Variants in ZNF804A observed in about 807,000 individuals in gnomAD.
The protein encoded by ZNF804A is zinc finger protein 804A.
In ZNF804A, 2 loss-of-function variants were observed where a neutral mutation model predicts 16.5. That is an observed-to-expected ratio of 0.12 (90% CI 0.05 to 0.38). ZNF804A has a LOEUF of 0.38. Ranked by LOEUF, ZNF804A falls within the 10% of genes least tolerant of loss-of-function variation. The pLI is 0.99. For synonymous variants in ZNF804A, 534 were observed against 489.6 expected (o/e 1.09, Z -1.20); for missense variants, 1,473 against 1,390.7 (o/e 1.06, Z -0.94).
At chr2:184,869,995 C>T (rs543464577) in intron 2 of ZNF804A, among the ~76,000 whole-genome samples, 3 of 151,946 alleles carry the variant, frequency 2.0e-5, no homozygotes, top group Admixed American at 2.0e-4. Context: ...ATTACAGTAT[C>T]TTTGTTTGAA....
intron 1 of ZNF804A, among the ~76,000 whole-genome samples, chr2:184,812,634 C>T (rs184608322): frequency 7.0e-4 from 106 of 152,076 alleles, no homozygotes; most frequent in African/African-American, 2.4e-3. Flanking sequence ...GTATCATTTA[C>T]AATAGGGGTG....
chr2:184,792,895 A>G (rs1694572057), intron 1 of ZNF804A, among the ~76,000 whole-genome samples: 1 of 152,028 alleles, frequency 6.6e-6, no homozygotes, highest in Non-Finnish European at 1.5e-5. Flanking sequence ...CATAGTACCC[A>G]ATAGGTAGTT....
intron 1 of ZNF804A, among the ~76,000 whole-genome samples, chr2:184,707,932 A>G (rs569192017): frequency 6.0e-4 from 92 of 152,214 alleles, no homozygotes; most frequent in Middle Eastern, 6.8e-3. Context: ...CCTTTTCTCC[A>G]TGGCCTCATC....
rs143518530 is a variant in ZNF804A at position 184,708,705 on chromosome 2, T to G, written c.111+109635T>G. Among the ~76,000 whole-genome samples the G allele has an allele frequency of 3.4e-3, 517 of 152,240 alleles. 2 individuals carry two copies. Among genetic ancestry groups the G allele is most frequent in the African/African-American group, 0.012 (488 of 41,550 alleles). On this transcript the variant is annotated intron_variant, in intron 1 of 3. Transcript: ENST00000302277. Reference sequence around the variant, plus strand: ...TAATAACTTAATAAATATTTAGTCTTACAATCTATGACAAGGAAATGTATA... The same window carrying G: ...TAATAACTTAATAAATATTTAGTCTGACAATCTATGACAAGGAAATGTATA...
At chr2:184,819,592 A>G (rs972898509) in intron 1 of ZNF804A, among the ~76,000 whole-genome samples, 3 of 152,000 alleles carry the variant, frequency 2.0e-5, no homozygotes, top group African/African-American at 7.2e-5. Context: ...GAGGAGATGG[A>G]GACACGAAGA....
chr2:184,912,590 C>A (rs1343954084), intron 2 of ZNF804A, among the ~76,000 whole-genome samples: 2 of 152,072 alleles, frequency 1.3e-5, no homozygotes, highest in Non-Finnish European at 1.5e-5. Flanking sequence ...GTTTCAATTT[C>A]TCTACATCCT....
intron 1 of ZNF804A, among the ~76,000 whole-genome samples, chr2:184,774,226 C>T (rs1694256380): frequency 6.6e-6 from 1 of 151,598 alleles, no homozygotes; most frequent in Non-Finnish European, 1.5e-5. Flanking sequence ...GCTGTTGAAT[C>T]GTAAACAAAA....
At chr2:184,676,944 T>C (rs865835209) in intron 1 of ZNF804A, among the ~76,000 whole-genome samples, 18 of 151,906 alleles carry the variant, frequency 1.2e-4, no homozygotes, top group African/African-American at 4.1e-4. Flanking sequence ...AAAATATTTA[T>C]TTAACTTTAC....
rs188401978 is a variant in ZNF804A at position 184,902,814 on chromosome 2, A to G, written c.256-30789A>G. On this transcript the variant is annotated intron_variant, in intron 2 of 3. Coordinates refer to ENST00000302277, the MANE Select transcript of ZNF804A (RefSeq NM_194250.2). ...CTTAAGGCCAAATGTTATGAGTTCC[A>G]TGAAATTCACTTGACATAATTTTGC... Among the ~76,000 whole-genome samples the G allele has an allele frequency of 2.8e-3, 427 of 152,260 alleles. 4 individuals carry two copies. The highest frequency in any genetic ancestry group is 8.7e-3 in the African/African-American group (362 of 41,544).
chr2:184,933,771 T>C (rs894769544), intron 3 of ZNF804A, 38 bp downstream of exon 3: 43 of 1,581,932 alleles, frequency 2.7e-5, no homozygotes, highest in Non-Finnish European at 3.5e-5. Flanking sequence ...TCTTAAAACA[T>C]GACCAAAAAA....
intron 2 of ZNF804A, among the ~76,000 whole-genome samples, chr2:184,873,970 G>A (rs116769903): frequency 0.012 from 1,754 of 152,060 alleles, 18 homozygotes; most frequent in Middle Eastern, 0.037. Context: ...AATTCTAATA[G>A]GTATGAACAA....
In ZNF804A at chr2:184,938,038, T is replaced by C. The variant is rs1685823044; in HGVS notation, c.2642T>C (p.Phe881Ser). ...AACCAATTAAGAAACAAACTGTCTT[T>C]CCACCCTAACAATCTCCTTCCTTCT... Reference protein sequence around the residue: ...QTNQLRNKLSFHPNNLLPSET... With the variant: ...QTNQLRNKLSSHPNNLLPSET... Residue 881 changes from phenylalanine (F) to serine (S), a missense_variant, in exon 4 of 4, where the codon TTC becomes TCC. Coordinates refer to ENST00000302277, the MANE Select transcript of ZNF804A (RefSeq NM_194250.2). 6.2e-7 allele frequency: 1 copy of C among 1,613,908 alleles called. No individual in the cohort carries two copies. The highest frequency in any genetic ancestry group is 8.5e-7 in the Non-Finnish European group (1 of 1,180,014).
At chr2:184,731,651 C>CCTCAA (rs1448054371) in intron 1 of ZNF804A, among the ~76,000 whole-genome samples, 2 of 149,506 alleles carry the variant, frequency 1.3e-5, no homozygotes, top group Non-Finnish European at 3.0e-5. Context: ...CTCACTGCAG[C>CCTCAA]CTCAACCTCC....
At chr2:184,856,453 T>C (rs1417290761) in intron 1 of ZNF804A, among the ~76,000 whole-genome samples, 1 of 152,152 alleles carries the variant, frequency 6.6e-6, no homozygotes, top group African/African-American at 2.4e-5. Context: ...TTCAACCATT[T>C]ACACAAGTAT....
At chr2:184,893,114 T>A (rs1307922347) in intron 2 of ZNF804A, among the ~76,000 whole-genome samples, 2 of 152,110 alleles carry the variant, frequency 1.3e-5, no homozygotes, top group Non-Finnish European at 2.9e-5. Flanking sequence ...TTATTTTCAA[T>A]TTAATATATA....
chr2:184,736,653 A>G (rs975409237), intron 1 of ZNF804A, among the ~76,000 whole-genome samples: 4 of 152,170 alleles, frequency 2.6e-5, no homozygotes, highest in Admixed American at 2.6e-4. Flanking sequence ...CGGCACACGT[A>G]TACCTATGTA....
At chr2:184,788,475 A>C (rs1484523986) in intron 1 of ZNF804A, among the ~76,000 whole-genome samples, 2 of 152,022 alleles carry the variant, frequency 1.3e-5, no homozygotes, top group Non-Finnish European at 2.9e-5. Context: ...TGAGCTTGAG[A>C]CAATTTTGCA....
intron 1 of ZNF804A, among the ~76,000 whole-genome samples, chr2:184,618,447 AG>A (rs1376723005): frequency 6.6e-6 from 1 of 152,174 alleles, no homozygotes; most frequent in Non-Finnish European, 1.5e-5. Context: ...GCACCAAGAT[AG>A]GAAAAAAAGA....
rs1257326755 is a variant in ZNF804A at position 184,911,604 on chromosome 2, G to A, written c.256-21999G>A. 2.6e-5 allele frequency among the ~76,000 whole-genome samples: 4 copies of A among 151,380 alleles called. No individual in the cohort carries two copies. The Admixed American group carries it at 2.7e-4, about 10-fold the overall frequency. On this transcript the variant is annotated intron_variant, in intron 2 of 3. Transcript: ENST00000302277. ...CCCATATTGATTTTCTAATTCATGA[G>A]CATGGAATTTTTTTTTATTTGTTTG...
Sources: gnomAD v4.1 joint callset for allele counts (sites outside exome capture counted in the v4.1 genomes callset) on GRCh38, gnomAD v4.1.1 for gene constraint, MANE v1.5 for transcripts, NCBI Gene and HGNC (gene_info 2026-07-23, HGNC 2026-07-21) for gene names.